The following NRG3 variants were observed in gnomAD, a reference collection of about 807,000 sequenced individuals.
The protein encoded by NRG3 is neuregulin 3.
A neutral mutation model predicts 66.9 loss-of-function variants in NRG3; 31 were observed. The observed-to-expected ratio is 0.46, with a 90% CI of 0.35 to 0.63. NRG3 has a LOEUF of 0.63. NRG3 is among the 20% of genes least tolerant of loss of function. The pLI is 0.00. For synonymous variants in NRG3, 393 were observed against 359.4 expected (o/e 1.09, Z -1.06); for missense variants, 910 against 878.9 (o/e 1.04, Z -0.45).
intron 1 of NRG3, among the ~76,000 whole-genome samples, chr10:82,349,608 C>G (rs536481844): frequency 2.4e-3 from 371 of 152,008 alleles, no homozygotes; most frequent in African/African-American, 7.8e-3. Context: ...TCGAGCTTCC[C>G]GGCTGCTTTG....
intron 2 of NRG3, among the ~76,000 whole-genome samples, chr10:82,710,218 A>G (rs576343031): frequency 6.6e-6 from 1 of 152,336 alleles, no homozygotes; most frequent in Admixed American, 6.5e-5. Flanking sequence ...TGTGCACACT[A>G]ATCATTGTTT....
intron 2 of NRG3, among the ~76,000 whole-genome samples, chr10:82,421,730 C>T (rs748548191): frequency 6.6e-5 from 10 of 151,980 alleles, no homozygotes; most frequent in Non-Finnish European, 1.5e-4. Context: ...TCTGCTTGCT[C>T]CTTTAAATTA....
At chr10:82,196,020 G>A (rs895870601) in intron 1 of NRG3, among the ~76,000 whole-genome samples, 6 of 152,174 alleles carry the variant, frequency 3.9e-5, no homozygotes, top group Admixed American at 2.6e-4. Flanking sequence ...GCTTTTTTGT[G>A]TGTGCTGTTT....
intron 2 of NRG3, 76 bp downstream of exon 2, chr10:82,358,944 G>A: frequency 1.3e-6 from 2 of 1,595,998 alleles, no homozygotes; most frequent in Non-Finnish European, 1.7e-6. Context: ...GGCAGCATCT[G>A]GTATGTGTCA....
At chr10:82,009,284 C>A (rs1311870039) in intron 1 of NRG3, among the ~76,000 whole-genome samples, 1 of 152,186 alleles carries the variant, frequency 6.6e-6, no homozygotes, top group Non-Finnish European at 1.5e-5. Flanking sequence ...CAAGTCTACA[C>A]AAGCTAGGTT....
rs1048392186 is a variant in NRG3 at position 82,344,332 on chromosome 10, C to T, written c.824-14407C>T. ...TGCGGTGTTTGGTTTTTTGTTCTTG[C>T]GATAGTTTACTGAGAATGATGATTT... is the stretch of plus-strand genomic sequence containing the variant. On this transcript the variant is annotated intron_variant, in intron 1 of 8. Coordinates refer to ENST00000372141, the MANE Select transcript of NRG3 (RefSeq NM_001010848.4). Among the ~76,000 whole-genome samples the T allele has an allele frequency of 9.9e-4, 149 of 151,228 alleles. 6 individuals are homozygous for T. The highest frequency in any genetic ancestry group is 3.4e-3 in the Middle Eastern group (1 of 294).
chr10:81,949,145 T>C (rs1219369024), intron 1 of NRG3, among the ~76,000 whole-genome samples: 4 of 152,098 alleles, frequency 2.6e-5, no homozygotes, highest in Non-Finnish European at 4.4e-5. Flanking sequence ...ACATGGCAGA[T>C]CTCAGGCTCC....
intron 1 of NRG3, among the ~76,000 whole-genome samples, chr10:82,156,151 A>G (rs1034587528): frequency 6.6e-6 from 1 of 151,636 alleles, no homozygotes; most frequent in African/African-American, 2.4e-5. Context: ...GACATACATC[A>G]TATTTTAGGG....
intron 3 of NRG3, among the ~76,000 whole-genome samples, chr10:82,830,037 T>A (rs1197759704): frequency 1.3e-5 from 2 of 152,210 alleles, no homozygotes; most frequent in Non-Finnish European, 2.9e-5. Context: ...CTTCTCATGG[T>A]GATCTTTGAT....
intron 1 of NRG3, among the ~76,000 whole-genome samples, chr10:81,936,149 A>T (rs4933264): frequency 0.39 from 58,546 of 151,974 alleles, 13,171 homozygotes; most frequent in East Asian, 0.82. Flanking sequence ...GTGAATAATT[A>T]TACCTGGGAC....
chr10:82,877,371 C>CTTTT (rs59994503), intron 4 of NRG3, among the ~76,000 whole-genome samples: 3 of 78,996 alleles, frequency 3.8e-5, no homozygotes, highest in African/African-American at 5.6e-5. Flanking sequence ...ATAGGGCAGA[C>CTTTT]TTTTTTTTTT....
chr10:82,039,208 C>T (rs910639567), intron 1 of NRG3, among the ~76,000 whole-genome samples: 8 of 152,078 alleles, frequency 5.3e-5, no homozygotes, highest in Non-Finnish European at 1.0e-4. Flanking sequence ...TGATGATTAG[C>T]GCTGCCAATG....
At chr10:82,115,651 T>C (rs758003680) in intron 1 of NRG3, among the ~76,000 whole-genome samples, 30 of 151,988 alleles carry the variant, frequency 2.0e-4, no homozygotes, top group Non-Finnish European at 3.2e-4. Flanking sequence ...TAAAAGATAA[T>C]CAAATCCAGA....
intron 8 of NRG3, 62 bp from the exon 9 acceptor site, chr10:82,985,036 G>T: frequency 6.4e-7 from 1 of 1,563,828 alleles, no homozygotes. Context: ...TTTGTGGATT[G>T]AGTATTGCTC....
chr10:81,965,108 C>G (rs1221962675), intron 1 of NRG3, among the ~76,000 whole-genome samples: 1 of 152,168 alleles, frequency 6.6e-6, no homozygotes, highest in Non-Finnish European at 1.5e-5. Flanking sequence ...CAGCTGTGTT[C>G]CTGACGAATT....
chr10:82,276,918 T>C (rs1218890002), intron 1 of NRG3, among the ~76,000 whole-genome samples: 1 of 152,062 alleles, frequency 6.6e-6, no homozygotes, highest in Non-Finnish European at 1.5e-5. Flanking sequence ...TCCTTAGCAT[T>C]AGGTTAAATT....
At chr10:82,392,892 A>ATTT (rs549023275) in intron 2 of NRG3, among the ~76,000 whole-genome samples, 4,034 of 122,108 alleles carry the variant, frequency 0.033, 80 homozygotes, top group Admixed American at 0.077. Flanking sequence ...ATATATATAT[A>ATTT]TATATATTTT....
At chr10:82,899,766 A>T (rs1293615796) in intron 4 of NRG3, among the ~76,000 whole-genome samples, 2 of 152,236 alleles carry the variant, frequency 1.3e-5, no homozygotes, top group Non-Finnish European at 2.9e-5. Context: ...ACCCTTAAAA[A>T]TTTAAATCAG....
chr10:82,576,997 A>G (rs1271839324), intron 2 of NRG3, among the ~76,000 whole-genome samples: 2 of 151,840 alleles, frequency 1.3e-5, no homozygotes, highest in Non-Finnish European at 3.0e-5. Flanking sequence ...TGCCAGTTCT[A>G]TGCTTTGGTT....
Sources: gnomAD v4.1 joint callset for allele counts (sites outside exome capture counted in the v4.1 genomes callset) on GRCh38, gnomAD v4.1.1 for gene constraint, MANE v1.5 for transcripts, NCBI Gene and HGNC (gene_info 2026-07-23, HGNC 2026-07-21) for gene names.